Variants in BRCA1 observed in about 807,000 individuals in gnomAD.
BRCA1 encodes BRCA1 DNA repair associated, also known as breast cancer type 1 susceptibility protein.
Under a neutral mutation model 173.7 loss-of-function variants are expected in BRCA1, and 140 were observed. That is an observed-to-expected ratio of 0.81 (90% confidence interval 0.70 to 0.93). The LOEUF is 0.93. Among genes scored for constraint, BRCA1 ranks in the 40% least tolerant of loss-of-function variants. The pLI, the probability that BRCA1 is intolerant of heterozygous loss-of-function variation, is 0.00. For synonymous variants in BRCA1, 662 were observed against 756.0 expected (o/e 0.88, Z 2.04); for missense variants, 1,983 against 2,172.5 (o/e 0.91, Z 1.73).
chr17:43,106,427 C>T (rs2154554514), intron 4 of BRCA1, 29 bp downstream of exon 4: 1 of 1,445,142 alleles, frequency 6.9e-7, no homozygotes. Flanking sequence ...TGGTTGCTTC[C>T]AACCTAGCAT....
intron 1 of BRCA1, among the ~76,000 whole-genome samples, chr17:43,143,738 G>C (rs114088389): frequency 6.6e-6 from 1 of 152,064 alleles, no homozygotes; most frequent in East Asian, 1.9e-4. Context: ...GTGCATCAGC[G>C]GGGGATGGGG....
chr17:43,082,751 G>A (rs2154167374), intron 11 of BRCA1, 176 bp from the exon 12 acceptor site: 1 of 684,308 alleles, frequency 1.5e-6, no homozygotes, highest in South Asian at 1.9e-5. Context: ...TAATGCCCAT[G>A]AAATTATTTC....
At position 43,049,162 on chromosome 17, in the gene BRCA1, C is replaced by A. The variant is rs80357078; in HGVS notation, c.5365G>T (p.Ala1789Ser). 9.3e-6 allele frequency: 15 copies of A among 1,614,160 alleles called. No individual in the cohort carries two copies. Among genetic ancestry groups the A allele is most frequent in the Non-Finnish European group, 1.3e-5 (15 of 1,180,014 alleles). The change falls in exon 21 of 23, where the codon GCT becomes TCT. Residue 1789 changes from alanine (A) to serine (S), a missense_variant. Transcript: ENST00000357654. ...GATGAAAGCTCCTTCACCACAGAAG[C>A]ACCACACAGCTGTACCATCCATTCC... is the stretch of plus-strand genomic sequence containing the variant. The part of the protein sequence containing the change: ...QLEWMVQLCG[A>S]SVVKELSSFT...
intron 3 of BRCA1, among the ~76,000 whole-genome samples, chr17:43,107,019 A>G (rs1435504360): frequency 6.6e-6 from 1 of 151,776 alleles, no homozygotes; most frequent in Non-Finnish European, 1.5e-5. Flanking sequence ...TCATACATAC[A>G]TCTGTGATCA....
rs551076172 is a variant in BRCA1 at position 43,149,662 on chromosome 17, A to G, written c.-20+20464T>C. 1.1e-4 allele frequency among the ~76,000 whole-genome samples: 16 copies of G among 152,370 alleles called. No homozygotes were observed. In the East Asian group the frequency reaches 2.1e-3, roughly 20 times the overall value. On this transcript the variant is annotated intron_variant, in intron 1 of 7. Transcript: ENST00000634433. ...ATGATATGAAGCATGATCAATCAGT[A>G]TCAATACTAGCTTTAGGGTGAAGGC...
chr17:43,087,196 C>G (rs1311068806), intron 11 of BRCA1, among the ~76,000 whole-genome samples: 1 of 152,176 alleles, frequency 6.6e-6, no homozygotes, highest in Non-Finnish European at 1.5e-5. Context: ...AGGAAATAAT[C>G]AGGGATGTAG....
At chr17:43,122,411 ATG>A (rs1299716339) in intron 2 of BRCA1, among the ~76,000 whole-genome samples, 1 of 152,218 alleles carries the variant, frequency 6.6e-6, no homozygotes, top group Non-Finnish European at 1.5e-5. Context: ...GAACATACAG[ATG>A]TATGTAAACA....
intron 2 of BRCA1, among the ~76,000 whole-genome samples, chr17:43,122,487 C>T (rs1008718078): frequency 3.3e-5 from 5 of 152,124 alleles, no homozygotes; most frequent in African/African-American, 1.2e-4. Flanking sequence ...GGATACATTA[C>T]ATAGAATGTC....
chr17:43,124,942 C>T (rs2055800518), intron 1 of BRCA1: 4 of 318,844 alleles, frequency 1.3e-5, no homozygotes, highest in South Asian at 9.9e-5. Context: ...GACGGAGTTT[C>T]ACCACGTTGG....
chr17:43,141,597 G>A (rs1438035538), intron 1 of BRCA1, among the ~76,000 whole-genome samples: 2 of 151,892 alleles, frequency 1.3e-5, no homozygotes, highest in Non-Finnish European at 2.9e-5. Context: ...GGCGGATCAC[G>A]AGGTCAGGAG....
chr17:43,127,843 T>C (rs2055926693), upstream of BRCA1, among the ~76,000 whole-genome samples: 1 of 149,904 alleles, frequency 6.7e-6, no homozygotes, highest in South Asian at 2.1e-4. Flanking sequence ...GCTAACACAG[T>C]GAAACCCCGA....
chr17:43,086,568 A>T (rs2053239254), intron 11 of BRCA1, among the ~76,000 whole-genome samples: 1 of 152,226 alleles, frequency 6.6e-6, no homozygotes, highest in Non-Finnish European at 1.5e-5. Flanking sequence ...CTTAGTAAAA[A>T]CACGTTGCAA....
rs779046757 is a variant in BRCA1, at chr17:43,047,621, C to G, written c.5467+22G>C. On this transcript the variant is annotated intron_variant, in intron 22 of 22. Transcript: ENST00000357654. ...CCATGCAAAAGGACCCCATATAGCACAGGTACATGCAGGCACCTTACCATG... is the reference window on the plus strand; with the variant it reads ...CCATGCAAAAGGACCCCATATAGCAGAGGTACATGCAGGCACCTTACCATG... 11 of 1,614,014 alleles carry G rather than the reference C, an allele frequency of 6.8e-6. No homozygotes were observed.
At chr17:43,048,253 A>T (rs943409874) in intron 21 of BRCA1, among the ~76,000 whole-genome samples, 2 of 151,820 alleles carry the variant, frequency 1.3e-5, no homozygotes, top group African/African-American at 4.8e-5. Context: ...CCCGGGCTGG[A>T]GTGCAGTGGC....
At chr17:43,122,862 CG>C (rs1374264501) in intron 2 of BRCA1, among the ~76,000 whole-genome samples, 4 of 150,278 alleles carry the variant, frequency 2.7e-5, no homozygotes, top group African/African-American at 9.9e-5. Flanking sequence ...CTGGCTAACA[CG>C]GTGAAATCCC....
rs946677473 is a variant in BRCA1, at chr17:43,053,839, C to G, written c.5278-2722G>C. On this transcript the variant is annotated intron_variant, in intron 19 of 22. Coordinates refer to ENST00000357654, the MANE Select transcript of BRCA1 (RefSeq NM_007294.4). ...ACAAAATCAGCTGGGCGTGGTGGCA[C>G]ATGCCTGTAATCCTAGCTACTTAGG... Among the ~76,000 whole-genome samples the G allele has an allele frequency of 7.3e-5, 11 of 151,664 alleles. No individual in the cohort carries two copies. The South Asian group carries it at 2.3e-3, about 32-fold the overall frequency.
intron 7 of BRCA1, 38 bp from the exon 8 acceptor site, chr17:43,097,327 T>C: frequency 6.5e-7 from 1 of 1,530,254 alleles, no homozygotes; most frequent in Non-Finnish European, 9.0e-7. Context: ...TCAATAAAAG[T>C]TTTCTTAATT....
chr17:43,051,931 G>A (rs565506386), intron 19 of BRCA1, among the ~76,000 whole-genome samples: 1 of 152,050 alleles, frequency 6.6e-6, no homozygotes, highest in South Asian at 2.1e-4. Context: ...CACTGCGCCC[G>A]GCCCTCTCTG....
chr17:43,093,187 T>C lies in BRCA1; in HGVS notation c.2344A>G (p.Ser782Gly), dbSNP rs1433746078. 1 of 1,613,854 alleles carries C rather than the reference T, an allele frequency of 6.2e-7. No individual in the cohort carries two copies. The highest frequency in any genetic ancestry group is 8.5e-7 in the Non-Finnish European group (1 of 1,179,974). Residue 782 changes from serine (S) to glycine (G), a missense_variant, in exon 10 of 23, where the codon AGT becomes GGT. By Grantham distance (56) the Ser-to-Gly change is moderately conservative. Coordinates refer to ENST00000357654, the MANE Select transcript of BRCA1 (RefSeq NM_007294.4). ...GTGCTAACTTCCAGTAACGAGATACTTTCCTGAGTGCCATAATCAGTACCA... is the reference window on the plus strand; with the variant it reads ...GTGCTAACTTCCAGTAACGAGATACCTTCCTGAGTGCCATAATCAGTACCA... ...VPGTDYGTQE[S>G]ISLLEVSTLG...
Sources: gnomAD v4.1 joint callset for allele counts (sites outside exome capture counted in the v4.1 genomes callset) on GRCh38, gnomAD v4.1.1 for gene constraint, MANE v1.5 for transcripts, NCBI Gene and HGNC (gene_info 2026-07-23, HGNC 2026-07-21) for gene names.